The following REX1BD variants were observed in gnomAD, a reference collection of about 807,000 sequenced individuals.
REX1BD encodes required for excision 1-B domain-containing protein.
REX1BD carries 22 observed loss-of-function variants against 24.4 expected under a neutral mutation model. The ratio of observed to expected loss-of-function variants is 0.90; its 90% CI spans 0.64 to 1.29. The LOEUF (loss-of-function observed/expected upper bound fraction) is 1.29, where lower values mean the gene tolerates loss of function less well. Among genes scored for constraint, REX1BD ranks in the 50% most tolerant of loss-of-function variants. The probability of loss-of-function intolerance (pLI) is 0.00; values close to 1 mark genes in which losing one functional copy is unlikely to be tolerated. For synonymous variants in REX1BD, 146 were observed against 125.9 expected, an observed-to-expected ratio of 1.16 and a Z score of -1.07; for missense variants, 293 against 285.3, an observed-to-expected ratio of 1.03 and a Z score of -0.19.
In REX1BD at chr19:18,589,310, G is replaced by A. The variant is rs1351890899; in HGVS notation, c.183-103G>A. 30 of 1,543,918 alleles carry A rather than the reference G, an allele frequency of 1.9e-5. 1 individual carries two copies. In the Admixed American group the frequency reaches 5.7e-4, roughly 29 times the overall value. On this transcript the variant is annotated intron_variant, in intron 2 of 4. Coordinates refer to ENST00000358607, the MANE Select transcript of REX1BD (RefSeq NM_001100418.2). Reference sequence around the variant, plus strand: ...GCTTCTCTCTCCTCCCCAAGAGCAGGGGTGGGCCTGTCTCGCGTTCCCCTG... The same window carrying A: ...GCTTCTCTCTCCTCCCCAAGAGCAGAGGTGGGCCTGTCTCGCGTTCCCCTG...
intron 4 of REX1BD, 198 bp downstream of exon 4, chr19:18,591,131 G>GT: frequency 1.9e-6 from 1 of 534,484 alleles, no homozygotes; most frequent in South Asian, 2.4e-5. Flanking sequence ...GGACACTGCT[G>GT]TATACCTCGA....
Position 18,590,846 on chromosome 19 carries a change from C to T in REX1BD, c.454-8C>T. The T allele has an allele frequency of 1.2e-6, 2 of 1,602,718 alleles. No homozygotes were observed. Among genetic ancestry groups the T allele is most frequent in the Non-Finnish European group, 1.7e-6 (2 of 1,175,272 alleles). On this transcript the variant is annotated splice_polypyrimidine_tract_variant and splice_region_variant and intron_variant, in intron 3 of 4. Coordinates refer to ENST00000358607, the MANE Select transcript of REX1BD (RefSeq NM_001100418.2). Reference sequence around the variant, plus strand: ...AGACATCCTTCGTGTTGCTCATTCCCCCACCAGGTGGCCCTGCTGCAGTTG... The same window carrying T: ...AGACATCCTTCGTGTTGCTCATTCCTCCACCAGGTGGCCCTGCTGCAGTTG...
chr19:18,589,345 G>C (rs2145318119), intron 2 of REX1BD, 68 bp from the exon 3 acceptor site: 1 of 1,549,024 alleles, frequency 6.5e-7, no homozygotes, highest in Non-Finnish European at 8.7e-7. Context: ...GCGGGAGTCA[G>C]GAAGCGTCCT....
Position 18,589,571 on chromosome 19 carries a change from C to T in REX1BD, c.341C>T (p.Ala114Val). Reference protein sequence around the residue: ...VHGVTQAFAAASREVLAVEAE... With the variant: ...VHGVTQAFAAVSREVLAVEAE... ...GGGGTGACCCAGGCCTTCGCCGCCG[C>T]CTCGCGGGAGGTGCTGGCGGTGGAA... The change falls in exon 3 of 5, where the codon GCC becomes GTC. Residue 114 changes from alanine to valine, a missense_variant. Physicochemically the swap from Ala to Val is moderately conservative, Grantham distance 64. Coordinates refer to ENST00000358607, the MANE Select transcript of REX1BD (RefSeq NM_001100418.2). The T allele has an allele frequency of 6.4e-7, 1 of 1,564,628 alleles. No individual in the cohort carries two copies. The highest frequency in any genetic ancestry group is 1.8e-5 in the Admixed American group (1 of 54,990).
At chr19:18,591,161 C>T (rs1294704375) in intron 4 of REX1BD, 2 of 450,986 alleles carry the variant, frequency 4.4e-6, no homozygotes, top group Admixed American at 4.1e-5. Context: ...ATCCTGCACA[C>T]GTGGCTGTCC....
Position 18,589,060 on chromosome 19 carries a change from C to T in REX1BD, c.165C>T (p.Gly55=), listed in dbSNP as rs753507415. ...IHQLQAERAQ[G]FRRLEEWLAP... ...AGCTGCAGGCTGAGCGCGCGCAGGG[C>T]TTCCGCCGACTGGAGGAGTGAGTGG... Residue 55 remains glycine, a synonymous_variant, in exon 2 of 5, where the codon GGC becomes GGT. Transcript: ENST00000358607. 3 of 1,518,068 alleles carry T rather than the reference C, an allele frequency of 2.0e-6. No individual in the cohort carries two copies. Among genetic ancestry groups the T allele is most frequent in the African/African-American group, 1.4e-5 (1 of 72,292 alleles). 94.0% of individuals were successfully genotyped at this position (1,518,068 alleles called of 1,614,324 possible).
intron 2 of REX1BD, 51 bp from the exon 3 acceptor site, chr19:18,589,362 C>G: frequency 6.4e-7 from 1 of 1,550,462 alleles, no homozygotes; most frequent in Non-Finnish European, 8.7e-7. Context: ...TCCTTCCTAC[C>G]TACCAGTCCT....
chr19:18,591,217 GTCC>G (rs1167031874), intron 4 of REX1BD: 5 of 345,042 alleles, frequency 1.4e-5, no homozygotes, highest in Non-Finnish European at 2.7e-5. Context: ...TCAGATGCCT[GTCC>G]TCAGCCCCCA....
intron 4 of REX1BD, chr19:18,591,616 T>C (rs1976042645): frequency 6.3e-6 from 1 of 157,956 alleles, no homozygotes; most frequent in Non-Finnish European, 1.4e-5. Context: ...TGGTCCTTTA[T>C]TTTCTTTTCT....
chr19:18,589,869 C>A, intron 3 of REX1BD, 186 bp downstream of exon 3: 2 of 880,660 alleles, frequency 2.3e-6, no homozygotes, highest in Non-Finnish European at 3.2e-6. Context: ...TGTTCATCCC[C>A]AATTTTTTTC....
At chr19:18,591,139 C>T (rs1976032174) in intron 4 of REX1BD, 1 of 504,486 alleles carries the variant, frequency 2.0e-6, no homozygotes, top group Non-Finnish European at 3.5e-6. Context: ...CTGTATACCT[C>T]GACACATGCC....
Position 18,588,798 on chromosome 19 carries a change from AG to A in REX1BD, c.-3del. 1 of 1,531,270 alleles carries A rather than the reference AG, an allele frequency of 6.5e-7. No homozygotes were observed. The highest frequency in any genetic ancestry group is 8.7e-7 in the Non-Finnish European group (1 of 1,145,138). The allele number at this position is 1,531,270 out of a possible 1,614,324, so 94.9% of individuals were successfully genotyped here. A position where few individuals can be genotyped will look rare whatever the true frequency, so the allele number is the denominator to read the frequency against. ...CTCCGGAGCCTGGCCAGGGCTGCGC[AG>A]TCATGATCACCGAGACCGCGGCGGA... is the stretch of plus-strand genomic sequence containing the variant. On this transcript the variant is annotated 5_prime_UTR_variant, in exon 1 of 5. Transcript: ENST00000358607.
Position 18,590,680 on chromosome 19 carries a change from TGA to T in REX1BD, c.454-168_454-167del, listed in dbSNP as rs1160061818. Reference sequence around the variant, plus strand: ...TCTGGCCTGCCTGCTGTCTCCTTTCTGAGAGAGCCTCTAAACTGAATTTCGGA... The same window carrying T: ...TCTGGCCTGCCTGCTGTCTCCTTTCTGAGAGCCTCTAAACTGAATTTCGGA... On this transcript the variant is annotated intron_variant, in intron 3 of 4. Coordinates refer to ENST00000358607, the MANE Select transcript of REX1BD (RefSeq NM_001100418.2). The T allele has an allele frequency of 3.0e-5, 18 of 597,176 alleles. 1 individual carries two copies. The Middle Eastern group carries it at 1.2e-3, about 41-fold the overall frequency. The allele number at this position is 597,176 out of a possible 1,614,324, so 37.0% of individuals were successfully genotyped here.
chr19:18,589,024 G>C lies in REX1BD; in HGVS notation c.129G>C (p.Gln43His). The change falls in exon 2 of 5, where the codon CAG (glutamine) becomes CAC (histidine). Residue 43 changes from glutamine (Q) to histidine (H), a missense_variant. Gln to His is a conservative substitution (Grantham distance 24). Transcript: ENST00000358607. Reference sequence around the variant, plus strand: ...ACGCCCCGATCCGGACGCTGGTGCAGCGCATCCACCAGCTGCAGGCTGAGC... The same window carrying C: ...ACGCCCCGATCCGGACGCTGGTGCACCGCATCCACCAGCTGCAGGCTGAGC... ...WKDAPIRTLV[Q>H]RIHQLQAERA... 1 of 1,527,884 alleles carries C rather than the reference G, an allele frequency of 6.5e-7. No homozygotes were observed. The highest frequency in any genetic ancestry group is 1.4e-5 in the African/African-American group (1 of 72,752). 94.6% of individuals were successfully genotyped at this position (1,527,884 alleles called of 1,614,324 possible).
At position 18,589,432 on chromosome 19, in the gene REX1BD, G is replaced by A. The variant is rs1975989573; in HGVS notation, c.202G>A (p.Gly68Ser). 6.4e-7 allele frequency: 1 copy of A among 1,560,314 alleles called. No homozygotes were observed. The highest frequency in any genetic ancestry group is 8.7e-7 in the Non-Finnish European group (1 of 1,152,724). The change falls in exon 3 of 5, where the codon GGC becomes AGC. Residue 68 changes from glycine (G) to serine (S), a missense_variant. Transcript: ENST00000358607. ...RLEEWLAPVQ[G>S]LRAWGRGLRV... ...TTTCAGGTGGTTGGCGCCGGTGCAG[G>A]GCCTGAGAGCCTGGGGGCGCGGCCT...
At chr19:18,591,165 G>T in intron 4 of REX1BD, 1 of 449,280 alleles carries the variant, frequency 2.2e-6, no homozygotes, top group Non-Finnish European at 4.0e-6. Flanking sequence ...TGCACACGTG[G>T]CTGTCCGTGG....
chr19:18,590,178 C>G (rs1188771058), intron 3 of REX1BD: 1 of 156,708 alleles, frequency 6.4e-6, no homozygotes, highest in African/African-American at 2.4e-5. Flanking sequence ...CATGAGCGAC[C>G]CGTCTCAGCG....
At position 18,588,829 on chromosome 19, in the gene REX1BD, A is replaced by G. The variant is rs944512091; in HGVS notation, c.28A>G (p.Thr10Ala). The change falls in exon 1 of 5, where the codon ACG becomes GCG. Residue 10 changes from threonine (T) to alanine (A), a missense_variant. Physicochemically the swap from Thr to Ala is moderately conservative, Grantham distance 58. Coordinates refer to ENST00000358607, the MANE Select transcript of REX1BD (RefSeq NM_001100418.2). MITETAAEP[T>A]VPAVPAAEEA... is the part of the protein sequence containing the mutation. ...GATCACCGAGACCGCGGCGGAGCCT[A>G]CGGTCCCTGCAGTGCCTGCTGCTGA... The G allele has an allele frequency of 2.6e-6, 4 of 1,532,650 alleles. No individual in the cohort carries two copies. The highest frequency in any genetic ancestry group is 2.6e-6 in the Non-Finnish European group (3 of 1,145,730). The allele number at this position is 1,532,650 out of a possible 1,614,324, so 94.9% of individuals were successfully genotyped here.
Position 18,589,003 on chromosome 19 carries a change from C to T in REX1BD, c.108C>T (p.Ala36=). The T allele has an allele frequency of 6.5e-7, 1 of 1,527,906 alleles. No homozygotes were observed. The highest frequency in any genetic ancestry group is 2.5e-5 in the East Asian group (1 of 40,532). 94.6% of individuals were successfully genotyped at this position (1,527,906 alleles called of 1,614,324 possible). A position where few individuals can be genotyped will look rare whatever the true frequency, so the allele number is the denominator to read the frequency against. The change falls in exon 2 of 5, where the codon GCC becomes GCT. Residue 36 remains alanine, a synonymous_variant. Transcript: ENST00000358607. ...TGCCCCCTGTCCCGCAGAAAGACGC[C>T]CCGATCCGGACGCTGGTGCAGCGCA... ...REEPAWPWKD[A]PIRTLVQRIH... is the part of the protein sequence containing the mutation.
Sources: gnomAD v4.1 joint callset for allele counts on GRCh38, gnomAD v4.1.1 for gene constraint, MANE v1.5 for transcripts, NCBI Gene and HGNC (gene_info 2026-07-23, HGNC 2026-07-21) for gene names.